OCSTAMP: variants seen among roughly 807,000 people sequenced by gnomAD.
The protein encoded by OCSTAMP is transmembrane protein C20orf123.
Under a neutral mutation model 25.2 loss-of-function variants are expected in OCSTAMP, and 17 were observed. That is an observed-to-expected ratio of 0.68 (90% CI 0.46 to 1.01). The LOEUF is 1.01. OCSTAMP is among the 50% of genes least tolerant of loss of function. OCSTAMP has a pLI of 0.00. For missense variants in OCSTAMP, 664 were observed against 694.6 expected (o/e 0.96, Z 0.50); for synonymous variants, 345 against 318.9 (o/e 1.08, Z -0.87).
intron 2 of OCSTAMP, 124 bp from the exon 3 acceptor site, chr20:46,542,051 C>T (rs2061836317): frequency 2.3e-6 from 3 of 1,325,142 alleles, no homozygotes; most frequent in Non-Finnish European, 2.9e-6. Context: ...TAACCCGTTT[C>T]CCAGGGTTTG....
intron 1 of OCSTAMP, among the ~76,000 whole-genome samples, chr20:46,550,072 AG>A (rs1011142720): frequency 3.9e-5 from 6 of 152,166 alleles, no homozygotes; most frequent in Non-Finnish European, 8.8e-5. Flanking sequence ...CAGCTCCCGA[AG>A]GCATTTGAAT....
Position 46,545,851 on chromosome 20 carries a change from C to T in OCSTAMP, c.523G>A (p.Gly175Ser), listed in dbSNP as rs1031264775. The stretch of plus-strand genomic sequence containing the variant: ...CGGCTGCCTGCCTGGCCTGTGGGGC[C>T]CAGAGCCCTGGATGCTGCATGCAGC... ...HQLHAASRAL[G>S]PTGQAGSRGL... The change falls in exon 2 of 3, where the codon GGC becomes AGC. Residue 175 changes from glycine to serine, a missense_variant. Gly to Ser is a moderately conservative substitution (Grantham distance 56). Transcript: ENST00000279028. 3 of 1,551,208 alleles carry T rather than the reference C, an allele frequency of 1.9e-6. No individual in the cohort carries two copies. The highest frequency in any genetic ancestry group is 3.9e-5 in the Admixed American group (2 of 50,990).
At chr20:46,543,305 CCTTTCTTTCTTT>C (rs3972347) in intron 2 of OCSTAMP, among the ~76,000 whole-genome samples, 58 of 128,408 alleles carry the variant, frequency 4.5e-4, no homozygotes, top group Admixed American at 3.6e-3. Flanking sequence ...CTTTCTCTTT[CCTTTCTTTCTTT>C]CTTTCTTTCT....
In OCSTAMP at chr20:46,541,627, G is replaced by A; in HGVS notation, c.1348C>T (p.Gln450Ter). 1.3e-6 allele frequency: 2 copies of A among 1,551,384 alleles called. No individual in the cohort carries two copies. Among genetic ancestry groups the A allele is most frequent in the Non-Finnish European group, 1.7e-6 (2 of 1,146,980 alleles). ...RRVRHLHARLQRRHDRHQGQQ... is the reference protein window; with the variant it reads ...RRVRHLHARL ...CCTTGGTGCCTGTCGTGTCTTCGCT[G>A]GAGCCGGGCGTGCAGGTGGCGGACC... The change falls in exon 3 of 3, where the codon CAG becomes TAG. Residue 450 changes from glutamine (Q) to a stop codon, truncating the protein, a stop_gained. Coordinates refer to ENST00000279028, the MANE Select transcript of OCSTAMP (RefSeq NM_080721.3). LOFTEE classifies it low-confidence loss of function (END_TRUNC).
chr20:46,546,127 T>A lies in OCSTAMP; in HGVS notation c.247A>T (p.Met83Leu). The A allele has an allele frequency of 6.4e-7, 1 of 1,551,716 alleles. No individual in the cohort carries two copies. Among genetic ancestry groups the A allele is most frequent in the Non-Finnish European group, 8.7e-7 (1 of 1,146,988 alleles). ...AGGAGGCCACAGACAGTGGCAACCATGGCTGAAGGTCCAGGAGGATAAAGC... is the reference window on the plus strand; with the variant it reads ...AGGAGGCCACAGACAGTGGCAACCAAGGCTGAAGGTCCAGGAGGATAAAGC... Reference protein sequence around the residue: ...LLLYPPGPSAMVATVCGLLVF... With the variant: ...LLLYPPGPSALVATVCGLLVF... Residue 83 changes from methionine to leucine, a missense_variant, in exon 2 of 3, where the codon ATG becomes TTG. Transcript: ENST00000279028.
chr20:46,549,515 A>G (rs2061863637), intron 1 of OCSTAMP, among the ~76,000 whole-genome samples: 1 of 152,132 alleles, frequency 6.6e-6, no homozygotes, highest in Middle Eastern at 3.2e-3. Context: ...ATAGATGGAG[A>G]GTGACCCAGT....
Position 46,549,729 on chromosome 20 carries a change from T to C in OCSTAMP, c.44+788A>G, listed in dbSNP as rs75108372. 1.7e-3 allele frequency among the ~76,000 whole-genome samples: 264 copies of C among 151,056 alleles called. 9 individuals are homozygous for C. In the East Asian group the frequency reaches 0.046, roughly 26 times the overall value. The stretch of plus-strand genomic sequence containing the variant: ...TGGGAAGCTGAGATGCAGTGAGGCC[T>C]GTGGGGCTGGAGTGAAGGTCACAAC... On this transcript the variant is annotated intron_variant, in intron 1 of 2. Coordinates refer to ENST00000279028, the MANE Select transcript of OCSTAMP (RefSeq NM_080721.3).
chr20:46,549,942 G>A (rs1191133051), intron 1 of OCSTAMP, among the ~76,000 whole-genome samples: 1 of 152,096 alleles, frequency 6.6e-6, no homozygotes, highest in Non-Finnish European at 1.5e-5. Flanking sequence ...ACAGGTAGCT[G>A]GAGCTGAGTA....
chr20:46,546,404 A>C (rs1277847347), intron 1 of OCSTAMP, 75 bp from the exon 2 acceptor site: 1 of 1,288,448 alleles, frequency 7.8e-7, no homozygotes, highest in African/African-American at 1.5e-5. Flanking sequence ...CCCCTGCCCC[A>C]CATACCCATC....
intron 1 of OCSTAMP, among the ~76,000 whole-genome samples, chr20:46,549,790 G>A (rs1330897806): frequency 6.7e-6 from 1 of 148,618 alleles, no homozygotes; most frequent in Non-Finnish European, 1.5e-5. Context: ...ATGCAAATGT[G>A]CCTTATTGTG....
chr20:46,548,913 T>A (rs2061861603), intron 1 of OCSTAMP, among the ~76,000 whole-genome samples: 1 of 152,198 alleles, frequency 6.6e-6, no homozygotes, highest in African/African-American at 2.4e-5. Context: ...TGCCCTTTGT[T>A]GCCTTGAGAG....
At chr20:46,542,383 C>A (rs1043246907) in intron 2 of OCSTAMP, among the ~76,000 whole-genome samples, 3 of 152,000 alleles carry the variant, frequency 2.0e-5, no homozygotes, top group African/African-American at 4.8e-5. Flanking sequence ...AGTTCGAGAC[C>A]AGCTTGGCTA....
rs2061867617 is a variant in OCSTAMP at position 46,550,526 on chromosome 20, A to T, written c.35T>A (p.Val12Asp). ...AAGTCCCCAGACCTACCCGGTCTTG[A>T]CAAGTTGCTCAGCTGCTCCTGGGTG... ...PGHPGAAEQL[V>D]KTGWRSWHLG... The change falls in exon 1 of 3, where the codon GTC (valine) becomes GAC (aspartate). Residue 12 changes from valine to aspartate, a missense_variant. Transcript: ENST00000279028. The T allele has an allele frequency of 6.4e-7, 1 of 1,551,688 alleles. No homozygotes were observed. The highest frequency in any genetic ancestry group is 2.4e-5 in the East Asian group (1 of 40,920).
At chr20:46,543,934 C>T (rs542847759) in intron 2 of OCSTAMP, among the ~76,000 whole-genome samples, 1 of 152,246 alleles carries the variant, frequency 6.6e-6, no homozygotes, top group East Asian at 1.9e-4. Flanking sequence ...ACAGGCCAGG[C>T]ATGGTGGCTT....
chr20:46,546,264 AAGGCGTCCC>A lies in OCSTAMP; in HGVS notation c.101_109del (p.Trp34_Ala36del). 1.3e-6 allele frequency: 2 copies of A among 1,550,764 alleles called. No individual in the cohort carries two copies. Among genetic ancestry groups the A allele is most frequent in the Non-Finnish European group, 1.7e-6 (2 of 1,146,926 alleles). On this transcript the variant is annotated inframe_deletion, in exon 2 of 3. Coordinates refer to ENST00000279028, the MANE Select transcript of OCSTAMP (RefSeq NM_080721.3). ...ACAGCTGGCTGGAACAGGCTGGGAG[AAGGCGTCCC>A]AGGCAGCCTGCAGTGGGGCAAGGGC...
At chr20:46,542,024 C>T in intron 2 of OCSTAMP, 97 bp from the exon 3 acceptor site, 4 of 1,353,534 alleles carry the variant, frequency 3.0e-6, no homozygotes, top group Non-Finnish European at 3.8e-6. Context: ...CCTTCATCTG[C>T]AAAATGGTTA....
At chr20:46,547,191 G>A (rs2061855851) in intron 1 of OCSTAMP, among the ~76,000 whole-genome samples, 1 of 152,192 alleles carries the variant, frequency 6.6e-6, no homozygotes, top group Non-Finnish European at 1.5e-5. Context: ...ACAGGTTTGA[G>A]TGGAGGGGGA....
intron 2 of OCSTAMP, 37 bp from the exon 3 acceptor site, chr20:46,541,964 C>T (rs1340058475): frequency 1.4e-6 from 2 of 1,407,690 alleles, no homozygotes; most frequent in Admixed American, 3.3e-5. Context: ...CAACTGAGGG[C>T]CTCTCTGGCC....
In OCSTAMP at chr20:46,549,497, G is replaced by A. The variant is rs1490508467; in HGVS notation, c.44+1020C>T. On this transcript the variant is annotated intron_variant, in intron 1 of 2. Transcript: ENST00000279028. ...AGCATAGTATGCCTGGGCCTGGACT[G>A]GGGTGGGATAGATGGAGAGTGACCC... 2.0e-5 allele frequency among the ~76,000 whole-genome samples: 3 copies of A among 152,196 alleles called. No individual in the cohort carries two copies. The South Asian group carries it at 6.2e-4, about 31-fold the overall frequency.
Sources: allele counts gnomAD v4.1 joint callset (sites outside exome capture counted in the v4.1 genomes callset), GRCh38; gene constraint gnomAD v4.1.1; transcripts MANE v1.5; gene names NCBI Gene and HGNC (gene_info 2026-07-23, HGNC 2026-07-21).